The following TENT5D variants were observed in gnomAD, a reference collection of about 807,000 sequenced individuals.
TENT5D encodes cancer/testis antigen 112.
For synonymous variants in TENT5D, 103 were observed against 100.6 expected (o/e 1.02, Z -0.15); for missense variants, 191 against 287.0 (o/e 0.67, Z 2.42).
intron 3 of TENT5D, among the ~76,000 whole-genome samples, chrX:80,344,288 A>T (rs1930020006): frequency 9.1e-6 from 1 of 110,480 alleles, no homozygotes; most frequent in Non-Finnish European, 1.9e-5. Flanking sequence ...TTGGTAGAAC[A>T]ATTTATATTT....
intron 3 of TENT5D, among the ~76,000 whole-genome samples, chrX:80,345,819 TA>T (rs1930047726): frequency 9.0e-6 from 1 of 111,544 alleles, no homozygotes; most frequent in Non-Finnish European, 1.9e-5. Flanking sequence ...CTTACAATGG[TA>T]ATCTGCAGGG....
chrX:80,364,883 A>G (rs1281234892), intron 3 of TENT5D, among the ~76,000 whole-genome samples: 2 of 86,301 alleles, frequency 2.3e-5, no homozygotes, highest in Non-Finnish European at 4.5e-5. Context: ...GTGATATTTT[A>G]TCTCCAAGAG....
At chrX:80,417,990 G>C, upstream of TENT5D, among the ~76,000 whole-genome samples, 1 of 110,850 alleles carries the variant, frequency 9.0e-6, no homozygotes, top group Non-Finnish European at 1.9e-5. Flanking sequence ...GTATTTCTTG[G>C]AGGTTTTATT....
intron 3 of TENT5D, among the ~76,000 whole-genome samples, chrX:80,385,071 C>T (rs1379160764): frequency 2.7e-5 from 3 of 111,457 alleles, no homozygotes; most frequent in Non-Finnish European, 5.7e-5. Context: ...GAAAAAACTA[C>T]TTTAAAGTTC....
chrX:80,423,347 C>G (rs184398269), intron 1 of TENT5D, among the ~76,000 whole-genome samples: 1 of 111,001 alleles, frequency 9.0e-6, no homozygotes, highest in Admixed American at 9.6e-5. Flanking sequence ...AATTAAGGAG[C>G]GTGGACACAA....
chrX:80,397,523 G>C (rs748299626), intron 3 of TENT5D, among the ~76,000 whole-genome samples: 1 of 112,126 alleles, frequency 8.9e-6, no homozygotes, highest in Non-Finnish European at 1.9e-5. Flanking sequence ...CTTCCCAGAC[G>C]GGGTGGTGGC....
chrX:80,373,661 C>G (rs776750214), intron 3 of TENT5D, among the ~76,000 whole-genome samples: 1 of 111,035 alleles, frequency 9.0e-6, no homozygotes, highest in Admixed American at 9.7e-5. Context: ...ATCCTTCTCT[C>G]CTGATCTCCC....
At chrX:80,345,815 A>G (rs976570706) in intron 3 of TENT5D, among the ~76,000 whole-genome samples, 3 of 111,202 alleles carry the variant, frequency 2.7e-5, no homozygotes, top group South Asian at 7.6e-4. Flanking sequence ...AGAGCTTACA[A>G]TGGTAATCTG....
chrX:80,356,151 G>A (rs777301526), intron 3 of TENT5D, among the ~76,000 whole-genome samples: 75 of 112,046 alleles, frequency 6.7e-4, no homozygotes, highest in African/African-American at 2.3e-3. Context: ...GTTACATATC[G>A]GTAATTTGGA....
intron 3 of TENT5D, among the ~76,000 whole-genome samples, chrX:80,407,780 C>A (rs1169937496): frequency 1.9e-5 from 2 of 106,719 alleles, no homozygotes; most frequent in East Asian, 3.0e-4. Context: ...CTCTCCACCC[C>A]AAATCAACAG....
At chrX:80,419,696 T>C (rs1482501977), upstream of TENT5D, among the ~76,000 whole-genome samples, 2 of 112,394 alleles carry the variant, frequency 1.8e-5, no homozygotes, top group Admixed American at 9.5e-5. Context: ...ATTATACTTA[T>C]CAACCATAAT....
intron 3 of TENT5D, among the ~76,000 whole-genome samples, chrX:80,346,066 T>C (rs1378859500): frequency 1.8e-5 from 2 of 112,326 alleles, no homozygotes; most frequent in African/African-American, 6.5e-5. Context: ...CTGACCCTGG[T>C]AATCACTGAA....
intron 2 of TENT5D, among the ~76,000 whole-genome samples, chrX:80,340,858 A>G (rs939037736): frequency 8.9e-6 from 1 of 112,318 alleles, no homozygotes; most frequent in Non-Finnish European, 1.9e-5. Context: ...TAGCTATAGA[A>G]TTATCTAATG....
chrX:80,348,018 T>A (rs1233928865), intron 3 of TENT5D, among the ~76,000 whole-genome samples: 1 of 111,837 alleles, frequency 8.9e-6, no homozygotes, highest in Non-Finnish European at 1.9e-5. Flanking sequence ...CTCTGTTCTA[T>A]TCTGTTGGTC....
chrX:80,381,535 A>G (rs185503207), intron 3 of TENT5D, among the ~76,000 whole-genome samples: 4 of 112,059 alleles, frequency 3.6e-5, no homozygotes, highest in Admixed American at 2.8e-4. Flanking sequence ...TCTCCTGGAT[A>G]ATATCCTGGT....
upstream of TENT5D, among the ~76,000 whole-genome samples, chrX:80,418,534 T>G (rs1345606063): frequency 1.8e-5 from 2 of 111,618 alleles, no homozygotes; most frequent in Non-Finnish European, 3.8e-5. Context: ...ATATTTGGAT[T>G]GCTAAACAGC....
At chrX:80,439,787 T>C (rs1236023981) in intron 2 of TENT5D, among the ~76,000 whole-genome samples, 4 of 110,674 alleles carry the variant, frequency 3.6e-5, no homozygotes, top group Non-Finnish European at 7.6e-5. Context: ...TGTATACATA[T>C]ATATGTTTGA....
chrX:80,414,762 A>G (rs1931735687), intron 3 of TENT5D, among the ~76,000 whole-genome samples: 1 of 111,757 alleles, frequency 8.9e-6, no homozygotes, highest in Admixed American at 9.5e-5. Flanking sequence ...AAGCAATGAG[A>G]TATGGATTTG....
intron 3 of TENT5D, among the ~76,000 whole-genome samples, chrX:80,399,009 T>G (rs1264974940): frequency 8.9e-6 from 1 of 112,186 alleles, no homozygotes; most frequent in Non-Finnish European, 1.9e-5. Context: ...TTTTGGACAA[T>G]AATCCCTTCT....
Sources: allele counts gnomAD v4.1 joint callset (sites outside exome capture counted in the v4.1 genomes callset), GRCh38; gene constraint gnomAD v4.1.1; transcripts MANE v1.5; gene names NCBI Gene and HGNC (gene_info 2026-07-23, HGNC 2026-07-21).